Variants in SGMS1 observed in about 807,000 individuals in gnomAD.
SGMS1 encodes the protein phosphatidylcholine:ceramide cholinephosphotransferase 1.
In SGMS1, 13 loss-of-function variants were observed where a neutral mutation model predicts 46.2. The observed-to-expected ratio is 0.28, with a 90% CI of 0.18 to 0.45. The LOEUF (loss-of-function observed/expected upper bound fraction) is 0.45, where lower values mean the gene tolerates loss of function less well. SGMS1 is among the 20% of genes least tolerant of loss of function. The pLI, the probability that SGMS1 is intolerant of heterozygous loss-of-function variation, is 1.00. For synonymous variants in SGMS1, 203 were observed against 187.8 expected (o/e 1.08, Z -0.66); for missense variants, 324 against 519.9 (o/e 0.62, Z 3.66).
chr10:50,426,552 C>T (rs1849329431), intron 6 of SGMS1, among the ~76,000 whole-genome samples: 1 of 152,224 alleles, frequency 6.6e-6, no homozygotes, highest in African/African-American at 2.4e-5. Context: ...CTGAGGCTGA[C>T]AACCATTTCT....
At chr10:50,409,404 C>T (rs1029913428) in intron 6 of SGMS1, among the ~76,000 whole-genome samples, 5 of 152,156 alleles carry the variant, frequency 3.3e-5, no homozygotes, top group Non-Finnish European at 5.9e-5. Flanking sequence ...CCCATTTATT[C>T]CCTGAACTGT....
At chr10:50,326,729 C>G (rs1270046746) in intron 8 of SGMS1, among the ~76,000 whole-genome samples, 2 of 151,998 alleles carry the variant, frequency 1.3e-5, no homozygotes, top group Non-Finnish European at 2.9e-5. Flanking sequence ...TAGAGAAAAT[C>G]AATAAGGCAA....
At chr10:50,424,490 C>T (rs920129193) in intron 6 of SGMS1, among the ~76,000 whole-genome samples, 2 of 152,116 alleles carry the variant, frequency 1.3e-5, no homozygotes, top group East Asian at 1.9e-4. Context: ...TCCTGGACAT[C>T]GGCCTTGGCA....
chr10:50,352,441 G>A (rs565509654), intron 6 of SGMS1, among the ~76,000 whole-genome samples: 3 of 152,266 alleles, frequency 2.0e-5, no homozygotes, highest in African/African-American at 7.2e-5. Flanking sequence ...AAATAACATA[G>A]AGCCCAAATT....
In SGMS1 at chr10:50,398,214, A is replaced by G. The variant is rs189846157; in HGVS notation, c.-232+35262T>C. The stretch of plus-strand genomic sequence containing the variant: ...AATTATTCACGTGCAATGACAAAAA[A>G]TAAATAAGCACACCATATAAAAACA... On this transcript the variant is annotated intron_variant, in intron 6 of 10. Transcript: ENST00000361781. Among the ~76,000 whole-genome samples the G allele has an allele frequency of 2.8e-4, 43 of 152,338 alleles. No homozygotes were observed. In the East Asian group the frequency reaches 7.9e-3, roughly 28 times the overall value.
At chr10:50,391,657 C>T in intron 6 of SGMS1, among the ~76,000 whole-genome samples, 1 of 151,902 alleles carries the variant, frequency 6.6e-6, no homozygotes, top group East Asian at 1.9e-4. Flanking sequence ...CCTAGTAATC[C>T]CATTATTGGG....
chr10:50,450,864 T>C (rs986504983), intron 5 of SGMS1, among the ~76,000 whole-genome samples: 6 of 151,806 alleles, frequency 4.0e-5, no homozygotes, highest in African/African-American at 1.4e-4. Flanking sequence ...AAAATATCAT[T>C]GATATAATAT....
intron 6 of SGMS1, among the ~76,000 whole-genome samples, chr10:50,410,779 G>A (rs548372008): frequency 5.9e-5 from 9 of 152,274 alleles, no homozygotes; most frequent in Admixed American, 2.0e-4. Flanking sequence ...TGGTAATGCC[G>A]CCCTAGGGGT....
chr10:50,547,613 T>C (rs1838112546), intron 2 of SGMS1, among the ~76,000 whole-genome samples: 1 of 152,090 alleles, frequency 6.6e-6, no homozygotes, highest in African/African-American at 2.4e-5. Context: ...CTACCAGATA[T>C]ACAAAGAAGA....
chr10:50,536,178 C>A (rs1175853953), intron 2 of SGMS1, among the ~76,000 whole-genome samples: 6 of 151,734 alleles, frequency 4.0e-5, no homozygotes, highest in South Asian at 2.1e-4. Flanking sequence ...TACCAAAAAT[C>A]AAAAATTAGT....
rs930623986 is a variant in SGMS1 at position 50,306,459 on chromosome 10, T to C, written c.*683A>G. ...TTTTAAATTTTAACTCTCTTCTCTC[T>C]GACATGTTAAAAATCTTTAAATTTG... On this transcript the variant is annotated 3_prime_UTR_variant, in exon 11 of 11. Transcript: ENST00000361781. 1 of 152,742 alleles carries C rather than the reference T, an allele frequency of 6.5e-6. No homozygotes were observed. The highest frequency in any genetic ancestry group is 1.5e-5 in the Non-Finnish European group (1 of 68,036). The allele number at this position is 152,742 out of a possible 1,614,324, so 9.5% of individuals were successfully genotyped here. A position where few individuals can be genotyped will look rare whatever the true frequency, so the allele number is the denominator to read the frequency against.
chr10:50,311,934 G>A (rs1010246116), intron 8 of SGMS1, among the ~76,000 whole-genome samples: 1 of 152,090 alleles, frequency 6.6e-6, no homozygotes, highest in Non-Finnish European at 1.5e-5. Flanking sequence ...TTGAAACAAG[G>A]GATGTGCCTT....
chr10:50,330,400 G>A (rs1403268050), intron 7 of SGMS1, among the ~76,000 whole-genome samples: 4 of 152,142 alleles, frequency 2.6e-5, no homozygotes, highest in Non-Finnish European at 4.4e-5. Context: ...TGGGAGGATC[G>A]CCGGAGCCTG....
At chr10:50,557,558 G>A (rs1458563622) in intron 2 of SGMS1, among the ~76,000 whole-genome samples, 1 of 147,702 alleles carries the variant, frequency 6.8e-6, no homozygotes, top group African/African-American at 2.5e-5. Flanking sequence ...AATTTTTAAC[G>A]AAAAGACTTT....
At chr10:50,612,720 T>C (rs914409474) in intron 1 of SGMS1, among the ~76,000 whole-genome samples, 1 of 152,224 alleles carries the variant, frequency 6.6e-6, no homozygotes, top group Admixed American at 6.5e-5. Context: ...GTTGTTGTTG[T>C]TGTTCTGAGA....
At chr10:50,547,155 T>C (rs371270897) in intron 2 of SGMS1, among the ~76,000 whole-genome samples, 1 of 152,182 alleles carries the variant, frequency 6.6e-6, no homozygotes. Context: ...GAGTTGTTTC[T>C]ATTGAACCAA....
At chr10:50,355,265 A>G (rs1044319275) in intron 6 of SGMS1, among the ~76,000 whole-genome samples, 2 of 152,046 alleles carry the variant, frequency 1.3e-5, no homozygotes, top group African/African-American at 2.4e-5. Flanking sequence ...ATGCAACCAT[A>G]AAAAATGACC....
intron 6 of SGMS1, among the ~76,000 whole-genome samples, chr10:50,344,557 G>C (rs1847882746): frequency 6.6e-6 from 1 of 152,166 alleles, no homozygotes; most frequent in African/African-American, 2.4e-5. Flanking sequence ...TGTTGTCAAA[G>C]GAGACATATT....
At chr10:50,444,319 T>C (rs929664940) in intron 5 of SGMS1, among the ~76,000 whole-genome samples, 2 of 151,770 alleles carry the variant, frequency 1.3e-5, no homozygotes, top group Non-Finnish European at 2.9e-5. Flanking sequence ...CAGACAAACA[T>C]AATAAAAGAA....
Sources: gnomAD v4.1 joint callset for allele counts (sites outside exome capture counted in the v4.1 genomes callset) on GRCh38, gnomAD v4.1.1 for gene constraint, MANE v1.5 for transcripts, NCBI Gene and HGNC (gene_info 2026-07-23, HGNC 2026-07-21) for gene names.